Variants in MNAT1 observed in about 807,000 individuals in gnomAD.
The protein encoded by MNAT1 is MNAT1 component of CDK activating kinase.
MNAT1 carries 43 observed loss-of-function variants against 42.0 expected under a neutral mutation model. The ratio of observed to expected loss-of-function variants is 1.02; its 90% CI spans 0.80 to 1.32. The LOEUF is 1.32. Ranked by LOEUF, MNAT1 falls within the 40% of genes most tolerant of loss-of-function variation. The probability of loss-of-function intolerance (pLI) is 0.00; values close to 1 mark genes in which losing one functional copy is unlikely to be tolerated. For missense variants in MNAT1, 306 were observed against 350.4 expected, an observed-to-expected ratio of 0.87 and a Z score of 1.01; for synonymous variants, 118 against 120.0, an observed-to-expected ratio of 0.98 and a Z score of 0.11.
intron 7 of MNAT1, among the ~76,000 whole-genome samples, chr14:60,964,775 ATGTACT>A (rs1197979169): frequency 6.6e-6 from 1 of 152,192 alleles, no homozygotes; most frequent in East Asian, 1.9e-4. Flanking sequence ...CTGTTCAGTG[ATGTACT>A]TGTAATGGTC....
intron 1 of MNAT1, among the ~76,000 whole-genome samples, chr14:60,742,983 A>G (rs767575007): frequency 6.6e-6 from 1 of 152,170 alleles, no homozygotes; most frequent in Non-Finnish European, 1.5e-5. Flanking sequence ...GTATGGACAA[A>G]TGTTTTTGTT....
chr14:60,808,571 G>C, intron 4 of MNAT1, 143 bp downstream of exon 4: 1 of 530,352 alleles, frequency 1.9e-6, no homozygotes, highest in Non-Finnish European at 3.3e-6. Context: ...AATATATGCT[G>C]TATAGGTATG....
At chr14:60,821,592 T>A (rs1034733806) in intron 6 of MNAT1, among the ~76,000 whole-genome samples, 1 of 152,232 alleles carries the variant, frequency 6.6e-6, no homozygotes, top group Non-Finnish European at 1.5e-5. Flanking sequence ...ACTTTACTTA[T>A]AATTTATGCA....
At chr14:60,783,917 C>T (rs1342406503) in intron 1 of MNAT1, among the ~76,000 whole-genome samples, 1 of 152,168 alleles carries the variant, frequency 6.6e-6, no homozygotes, top group East Asian at 1.9e-4. Context: ...GTATCTCCAA[C>T]TTCCTGGGCT....
At chr14:60,936,203 T>G (rs2035991602) in intron 7 of MNAT1, among the ~76,000 whole-genome samples, 1 of 152,184 alleles carries the variant, frequency 6.6e-6, no homozygotes, top group African/African-American at 2.4e-5. Context: ...GTTCAGAGAT[T>G]CTCCGGAGAC....
intron 7 of MNAT1, among the ~76,000 whole-genome samples, chr14:60,946,538 T>G (rs900666548): frequency 2.6e-5 from 4 of 152,202 alleles, no homozygotes; most frequent in African/African-American, 9.6e-5. Flanking sequence ...TTTTGTTTTT[T>G]TTTTCTTCCT....
intron 7 of MNAT1, among the ~76,000 whole-genome samples, chr14:60,887,138 T>G (rs1375929402): frequency 1.3e-5 from 2 of 152,192 alleles, no homozygotes; most frequent in Non-Finnish European, 2.9e-5. Context: ...TATTTTTCAT[T>G]CTATTGATGA....
At chr14:60,794,463 G>C (rs117884260) in intron 1 of MNAT1, among the ~76,000 whole-genome samples, 1 of 151,248 alleles carries the variant, frequency 6.6e-6, no homozygotes, top group South Asian at 2.1e-4. Flanking sequence ...CCAGGAGTTC[G>C]AGACCAGCCT....
chr14:60,861,586 C>T (rs1286231916), intron 6 of MNAT1, among the ~76,000 whole-genome samples: 2 of 151,588 alleles, frequency 1.3e-5, no homozygotes, highest in Non-Finnish European at 2.9e-5. Flanking sequence ...AAAAGGTCTA[C>T]AGGCATCTTA....
chr14:60,852,754 T>G (rs2033855725), intron 6 of MNAT1, among the ~76,000 whole-genome samples: 1 of 152,244 alleles, frequency 6.6e-6, no homozygotes, highest in Non-Finnish European at 1.5e-5. Context: ...AGTTTCAGTT[T>G]TCTGCATATG....
intron 7 of MNAT1, among the ~76,000 whole-genome samples, chr14:60,925,979 C>T (rs2035755681): frequency 6.6e-6 from 1 of 152,134 alleles, no homozygotes; most frequent in Non-Finnish European, 1.5e-5. Context: ...CACTTTAGCA[C>T]ATAGAATTGC....
intron 7 of MNAT1, among the ~76,000 whole-genome samples, chr14:60,957,689 C>T (rs1040646471): frequency 6.6e-6 from 1 of 152,158 alleles, no homozygotes. Flanking sequence ...TATCCATTAA[C>T]AAATTTTTGT....
intron 7 of MNAT1, among the ~76,000 whole-genome samples, chr14:60,937,465 A>G (rs1330713558): frequency 6.6e-6 from 1 of 152,170 alleles, no homozygotes; most frequent in Non-Finnish European, 1.5e-5. Context: ...TTTTCTCAGC[A>G]CCATTTGTTA....
chr14:60,734,835 T>A lies in MNAT1; in HGVS notation c.-28T>A, dbSNP rs1182321884. 1.2e-6 allele frequency: 2 copies of A among 1,611,588 alleles called. No homozygotes were observed. The highest frequency in any genetic ancestry group is 2.7e-5 in the African/African-American group (2 of 74,878). ...GGTGGCTCTGGCTGAAACAGGCGCC[T>A]GCGAGAGTCTGTAGGAGGGAAACCG... On this transcript the variant is annotated 5_prime_UTR_variant, in exon 1 of 8. Transcript: ENST00000261245. The surrounding 1 kb of genome is among the most constrained non-coding windows in gnomAD (Gnocchi z 4.3).
At chr14:60,738,386 G>A (rs1338176994) in intron 1 of MNAT1, among the ~76,000 whole-genome samples, 2 of 151,258 alleles carry the variant, frequency 1.3e-5, no homozygotes, top group African/African-American at 4.9e-5. Flanking sequence ...CTCCCGAGTA[G>A]CTGGGACTAC....
chr14:60,833,885 C>A (rs2033295256), intron 6 of MNAT1, among the ~76,000 whole-genome samples: 1 of 152,096 alleles, frequency 6.6e-6, no homozygotes, highest in South Asian at 2.1e-4. Context: ...GAATTGACTT[C>A]TTCCTGGTTT....
intron 7 of MNAT1, chr14:60,920,248 A>G (rs1431560274): frequency 6.6e-6 from 1 of 152,170 alleles, no homozygotes; most frequent in Non-Finnish European, 1.5e-5. Context: ...GAAAAGATTA[A>G]TCTAGGCTAT....
chr14:60,837,389 G>A (rs1459842366), intron 6 of MNAT1, among the ~76,000 whole-genome samples: 1 of 152,222 alleles, frequency 6.6e-6, no homozygotes, highest in Non-Finnish European at 1.5e-5. Context: ...GGGTTGCAAA[G>A]ACCGTGGGGA....
At chr14:60,812,486 A>G (rs2032583867) in intron 5 of MNAT1, among the ~76,000 whole-genome samples, 1 of 152,198 alleles carries the variant, frequency 6.6e-6, no homozygotes, top group Non-Finnish European at 1.5e-5. Flanking sequence ...GAGAAACCCC[A>G]TCTCCATGTT....
Sources: gnomAD v4.1 joint callset for allele counts (sites outside exome capture counted in the v4.1 genomes callset) on GRCh38, gnomAD v4.1.1 for gene constraint, Gnocchi (gnomAD v3.1) non-coding constraint, MANE v1.5 for transcripts, NCBI Gene and HGNC (gene_info 2026-07-23, HGNC 2026-07-21) for gene names.